The following LINGO2 variants were observed in gnomAD, a reference collection of about 807,000 sequenced individuals.
LINGO2 encodes leucine rich repeat and Ig domain containing 2, also known as leucine-rich repeat and immunoglobulin-like domain-containing nogo receptor-interacting protein 2.
In LINGO2, 14 loss-of-function variants were observed where a neutral mutation model predicts 30.6. That is an observed-to-expected ratio of 0.46 (90% CI 0.30 to 0.72). LINGO2 has a LOEUF of 0.72. Ranked by LOEUF, LINGO2 falls within the 30% of genes least tolerant of loss-of-function variation. The pLI is 0.07. For missense variants in LINGO2, 729 were observed against 751.7 expected (o/e 0.97, Z 0.35); for synonymous variants, 317 against 288.5 (o/e 1.10, Z -1.00).
chr9:27,995,827 C>T (rs961269776), intron 5 of LINGO2, among the ~76,000 whole-genome samples: 3 of 152,060 alleles, frequency 2.0e-5, no homozygotes, highest in African/African-American at 7.2e-5. Context: ...CCAATTTCAC[C>T]ACTTATATTC....
intron 2 of LINGO2, among the ~76,000 whole-genome samples, chr9:28,428,841 T>A (rs1316534355): frequency 6.6e-6 from 1 of 152,158 alleles, no homozygotes; most frequent in East Asian, 1.9e-4. Context: ...ATAATGAAAT[T>A]AATATCTACT....
At chr9:28,641,750 GAC>G (rs1425104682) in intron 1 of LINGO2, among the ~76,000 whole-genome samples, 1 of 152,220 alleles carries the variant, frequency 6.6e-6, no homozygotes, top group African/African-American at 2.4e-5. Context: ...TTATGGGCAA[GAC>G]ACAGTGATGT....
chr9:28,349,343 G>A (rs1201517777), intron 3 of LINGO2, among the ~76,000 whole-genome samples: 5 of 142,606 alleles, frequency 3.5e-5, no homozygotes, highest in East Asian at 2.1e-4. Context: ...CGAGAACTAC[G>A]TGAAGAATGC....
At chr9:28,122,876 G>A (rs192589198) in intron 4 of LINGO2, among the ~76,000 whole-genome samples, 13 of 152,268 alleles carry the variant, frequency 8.5e-5, no homozygotes, top group Admixed American at 3.3e-4. Flanking sequence ...ATTGGGTGAC[G>A]CCTATAGCAG....
the LINGO2 span, among the ~76,000 whole-genome samples, chr9:28,731,027 A>T: frequency 6.6e-6 from 1 of 151,316 alleles, no homozygotes; most frequent in African/African-American, 2.4e-5. Context: ...TTTCACTCTT[A>T]TTGCCCAGGC....
Position 28,170,610 on chromosome 9 carries a change from C to G in LINGO2, c.-87+124598G>C, listed in dbSNP as rs9657614. ...ACATATTTAATGGCTTAAAACAGAA[C>G]AAATTTATTATAGCTGTGGAGGTCA... On this transcript the variant is annotated intron_variant, in intron 4 of 5. Transcript: ENST00000379992. 9.0e-3 allele frequency among the ~76,000 whole-genome samples: 1,365 copies of G among 152,220 alleles called. 21 individuals carry two copies. Among genetic ancestry groups the G allele is most frequent in the African/African-American group, 0.031 (1,288 of 41,538 alleles).
chr9:27,960,014 G>A (rs915878991), intron 5 of LINGO2, among the ~76,000 whole-genome samples: 1 of 151,946 alleles, frequency 6.6e-6, no homozygotes, highest in African/African-American at 2.4e-5. Flanking sequence ...ATCCATATTT[G>A]TATCTAGTAA....
chr9:28,402,394 A>G (rs1444068485), intron 2 of LINGO2, among the ~76,000 whole-genome samples: 4 of 152,200 alleles, frequency 2.6e-5, no homozygotes, highest in South Asian at 2.1e-4. Context: ...TAGAAGATAA[A>G]ACATTGAAAA....
At chr9:28,805,827 A>G in the LINGO2 span, among the ~76,000 whole-genome samples, 1 of 152,130 alleles carries the variant, frequency 6.6e-6, no homozygotes, top group Non-Finnish European at 1.5e-5. Flanking sequence ...GATTAAGGTC[A>G]GTATGCATGG....
At chr9:28,178,387 A>G (rs541570528) in intron 4 of LINGO2, among the ~76,000 whole-genome samples, 1 of 152,306 alleles carries the variant, frequency 6.6e-6, no homozygotes, top group East Asian at 1.9e-4. Flanking sequence ...TGAAATATAC[A>G]TTCAAAATAT....
At chr9:28,883,669 T>TATATATATATATATATATATA in the LINGO2 span, among the ~76,000 whole-genome samples, 1 of 131,996 alleles carries the variant, frequency 7.6e-6, no homozygotes, top group Non-Finnish European at 1.6e-5. Flanking sequence ...TATATATATA[T>TATATATATATATATATATATA]TTGGTTTTTT....
chr9:29,035,757 T>C, the LINGO2 span, among the ~76,000 whole-genome samples: 1 of 151,840 alleles, frequency 6.6e-6, no homozygotes, highest in Non-Finnish European at 1.5e-5. Flanking sequence ...GTCTTGTAAG[T>C]TGTATTGAGC....
At chr9:28,403,286 G>C (rs1191587331) in intron 2 of LINGO2, among the ~76,000 whole-genome samples, 1 of 152,110 alleles carries the variant, frequency 6.6e-6, no homozygotes, top group African/African-American at 2.4e-5. Context: ...TGTAGGAGAT[G>C]AATGGAGAGG....
chr9:28,995,457 T>C, the LINGO2 span, among the ~76,000 whole-genome samples: 1 of 152,220 alleles, frequency 6.6e-6, no homozygotes, highest in Non-Finnish European at 1.5e-5. Context: ...TGGAAGTCAG[T>C]GTGGCCATGC....
At chr9:29,166,868 C>T in the LINGO2 span, among the ~76,000 whole-genome samples, 1 of 152,032 alleles carries the variant, frequency 6.6e-6, no homozygotes, top group African/African-American at 2.4e-5. Flanking sequence ...ACTGAACGCT[C>T]TTTCTTATAA....
the LINGO2 span, among the ~76,000 whole-genome samples, chr9:28,722,733 A>C: frequency 6.6e-6 from 1 of 152,134 alleles, no homozygotes; most frequent in African/African-American, 2.4e-5. Context: ...AATATGCGAC[A>C]ACCTTTGCTG....
chr9:29,121,995 AAG>A, the LINGO2 span, among the ~76,000 whole-genome samples: 1 of 152,118 alleles, frequency 6.6e-6, no homozygotes, highest in Non-Finnish European at 1.5e-5. Flanking sequence ...TCAGAAGAAA[AAG>A]AGTTTAAAAT....
intron 1 of LINGO2, among the ~76,000 whole-genome samples, chr9:28,503,338 A>G (rs1476988153): frequency 6.6e-6 from 1 of 152,072 alleles, no homozygotes; most frequent in African/African-American, 2.4e-5. Flanking sequence ...ATAGTTGATG[A>G]AGGCAATCCT....
At chr9:28,558,212 T>C (rs1168661130) in intron 1 of LINGO2, among the ~76,000 whole-genome samples, 3 of 151,770 alleles carry the variant, frequency 2.0e-5, no homozygotes, top group Non-Finnish European at 2.9e-5. Context: ...TTTTTCACTA[T>C]GATCTAGCTG....
Sources: allele counts gnomAD v4.1 joint callset (sites outside exome capture counted in the v4.1 genomes callset), GRCh38; gene constraint gnomAD v4.1.1; transcripts MANE v1.5; gene names NCBI Gene and HGNC (gene_info 2026-07-23, HGNC 2026-07-21).